Variants in ZNF683 observed in about 807,000 individuals in gnomAD.
ZNF683 encodes the protein tissue-resident T-cell transcription regulator protein ZNF683.
Under a neutral mutation model 31.4 loss-of-function variants are expected in ZNF683, and 20 were observed. The ratio of observed to expected loss-of-function variants is 0.64; its 90% confidence interval spans 0.45 to 0.93. ZNF683 has a LOEUF of 0.93. Among genes scored for constraint, ZNF683 ranks in the 40% least tolerant of loss-of-function variants. ZNF683 has a pLI of 0.00. For missense variants in ZNF683, 621 were observed against 637.2 expected, an observed-to-expected ratio of 0.97 and a Z score of 0.27; for synonymous variants, 264 against 267.6, an observed-to-expected ratio of 0.99 and a Z score of 0.13.
intron 5 of ZNF683, chr1:26,362,259 C>A: frequency 1.5e-6 from 2 of 1,335,308 alleles, no homozygotes; most frequent in Admixed American, 3.9e-5. Flanking sequence ...CCTCTCTGAG[C>A]CTTCCTCTCC....
Position 26,361,945 on chromosome 1 carries a change from C to T in ZNF683, c.1221G>A (p.Gln407=), listed in dbSNP as rs1274666694. 2 of 1,613,856 alleles carry T rather than the reference C, an allele frequency of 1.2e-6. No individual in the cohort carries two copies. The highest frequency in any genetic ancestry group is 2.7e-5 in the African/African-American group (2 of 74,924). ...TGAAGCGACTCCGGCAGACACTGCACTGGAAGGGCCGGGCCCCGGAGTGCA... is the reference window on the plus strand; with the variant it reads ...TGAAGCGACTCCGGCAGACACTGCATTGGAAGGGCCGGGCCCCGGAGTGCA... ...LRLHSGARPF[Q]CSVCRSRFTQ... Residue 407 remains glutamine, a synonymous_variant, in exon 6 of 6, where the codon CAG becomes CAA. Transcript: ENST00000349618.
intron 1 of ZNF683, chr1:26,370,662 G>A (rs2074649489): frequency 2.0e-6 from 2 of 985,644 alleles, no homozygotes; most frequent in Non-Finnish European, 2.4e-6. Flanking sequence ...GCTGGCTGTG[G>A]GGCTCTCCAC....
Position 26,364,574 on chromosome 1 carries a change from G to C in ZNF683, c.972C>G (p.Cys324Trp), listed in dbSNP as rs1047371622. ...KKKNGKILYECNICGKSFGQL... is the reference protein window; with the variant it reads ...KKKNGKILYEWNICGKSFGQL... ...GCCCAAAGCTCTTGCCACATATGTT[G>C]CACTCGTACAGGATTTTGCCATTCT... Residue 324 changes from cysteine to tryptophan, a missense_variant, in exon 4 of 6, where the codon TGC becomes TGG. Cys to Trp is a radical substitution (Grantham distance 215). Coordinates refer to ENST00000349618, the MANE Select transcript of ZNF683 (RefSeq NM_001114759.3). The C allele has an allele frequency of 5.0e-6, 8 of 1,613,880 alleles. No homozygotes were observed. The highest frequency in any genetic ancestry group is 1.3e-5 in the African/African-American group (1 of 74,922).
chr1:26,373,918 A>C (rs1032890193), upstream of ZNF683, among the ~76,000 whole-genome samples: 1 of 152,156 alleles, frequency 6.6e-6, no homozygotes, highest in Non-Finnish European at 1.5e-5. Flanking sequence ...TATTATTAGC[A>C]GCTCATCCAG....
rs1159097814 is a variant in ZNF683, at chr1:26,361,959, C to T, written c.1207G>A (p.Ala403Thr). 3 of 1,613,808 alleles carry T rather than the reference C, an allele frequency of 1.9e-6. No homozygotes were observed. The highest frequency in any genetic ancestry group is 2.5e-6 in the Non-Finnish European group (3 of 1,179,872). The change falls in exon 6 of 6, where the codon GCC becomes ACC. Residue 403 changes from alanine (A) to threonine (T), a missense_variant. Physicochemically the swap from Ala to Thr is moderately conservative, Grantham distance 58. Coordinates refer to ENST00000349618, the MANE Select transcript of ZNF683 (RefSeq NM_001114759.3). ...LKTHLRLHSG[A>T]RPFQCSVCRS... The stretch of plus-strand genomic sequence containing the variant: ...CAGACACTGCACTGGAAGGGCCGGG[C>T]CCCGGAGTGCAGGCGCAGGTGGGTC...
upstream of ZNF683, chr1:26,374,447 C>A: frequency 1.7e-6 from 2 of 1,165,370 alleles, no homozygotes; most frequent in Non-Finnish European, 2.2e-6. Flanking sequence ...GGAAATGCCC[C>A]AGGAGGTGGG....
intron 4 of ZNF683, 150 bp from the exon 5 acceptor site, chr1:26,363,304 C>T: frequency 1.8e-6 from 2 of 1,089,444 alleles, no homozygotes; most frequent in Non-Finnish European, 1.3e-6. Flanking sequence ...TTTCTGCTGC[C>T]CTGTAGGGGA....
intron 3 of ZNF683, among the ~76,000 whole-genome samples, chr1:26,365,433 A>G (rs184903163): frequency 3.1e-4 from 47 of 152,334 alleles, no homozygotes; most frequent in Admixed American, 6.5e-4. Flanking sequence ...GCAGATGGAT[A>G]AACTGGGTTG....
chr1:26,366,304 A>G (rs2074520310), intron 3 of ZNF683, among the ~76,000 whole-genome samples: 2 of 146,032 alleles, frequency 1.4e-5, no homozygotes, highest in Admixed American at 1.4e-4. Context: ...TGGAGGCTGC[A>G]GTGAGCCATG....
At position 26,363,636 on chromosome 1, in the gene ZNF683, T is replaced by C. The variant is rs182784886; in HGVS notation, c.1015-482A>G. Reference sequence around the variant, plus strand: ...TTTGAAAGTTAACGAGGAGTGGTGGTGTTTACCCTTCGTCCCAGCTACCGG... The same window carrying C: ...TTTGAAAGTTAACGAGGAGTGGTGGCGTTTACCCTTCGTCCCAGCTACCGG... On this transcript the variant is annotated intron_variant, in intron 4 of 5. Transcript: ENST00000349618. Among the ~76,000 whole-genome samples the C allele has an allele frequency of 8.8e-3, 1,327 of 150,846 alleles. 20 individuals carry two copies. The highest frequency in any genetic ancestry group is 0.031 in the African/African-American group (1,268 of 40,956).
At chr1:26,365,333 C>T in intron 3 of ZNF683, 107 bp from the exon 4 acceptor site, 1 of 1,179,738 alleles carries the variant, frequency 8.5e-7, no homozygotes, top group Non-Finnish European at 1.2e-6. Flanking sequence ...AGCCTGCGAG[C>T]CTGCTAGCAT....
rs1371542133 is a variant in ZNF683, at chr1:26,367,765, C to T, written c.147G>A (p.Met49Ile). ...VFSACRPLPD[M>I]VDAHGPSCAS... ...CACAGGATGGGCCATGAGCATCCACCATGTCTGGAAGTGGTCTGCAGGCTG... is the reference window on the plus strand; with the variant it reads ...CACAGGATGGGCCATGAGCATCCACTATGTCTGGAAGTGGTCTGCAGGCTG... Residue 49 changes from methionine to isoleucine, a missense_variant, in exon 3 of 6, where the codon ATG becomes ATA. Physicochemically the swap from Met to Ile is conservative, Grantham distance 10 (BLOSUM62 1). Transcript: ENST00000349618. The T allele has an allele frequency of 1.2e-6, 2 of 1,605,232 alleles. No individual in the cohort carries two copies. The highest frequency in any genetic ancestry group is 1.7e-6 in the Non-Finnish European group (2 of 1,174,938).
chr1:26,368,284 G>A (rs1476713310), intron 2 of ZNF683, among the ~76,000 whole-genome samples, 174 bp downstream of exon 2: 1 of 152,234 alleles, frequency 6.6e-6, no homozygotes, highest in Non-Finnish European at 1.5e-5. Context: ...CCTGAGGCAT[G>A]GGGAGAGGGT....
chr1:26,367,805 G>C lies in ZNF683; in HGVS notation c.115-8C>G. The C allele has an allele frequency of 6.4e-7, 1 of 1,566,776 alleles. No homozygotes were observed. The highest frequency in any genetic ancestry group is 1.3e-5 in the African/African-American group (1 of 74,128). Reference sequence around the variant, plus strand: ...TCTGCAGGCTGAGAAGACCTGGAGGGCAGGGGCAAGGGGCTTGGGGGCTGG... The same window carrying C: ...TCTGCAGGCTGAGAAGACCTGGAGGCCAGGGGCAAGGGGCTTGGGGGCTGG... On this transcript the variant is annotated splice_region_variant and splice_polypyrimidine_tract_variant and intron_variant, in intron 2 of 5. Coordinates refer to ENST00000349618, the MANE Select transcript of ZNF683 (RefSeq NM_001114759.3).
At chr1:26,366,200 A>C (rs925694272) in intron 3 of ZNF683, among the ~76,000 whole-genome samples, 62 of 152,178 alleles carry the variant, frequency 4.1e-4, no homozygotes, top group African/African-American at 1.3e-3. Flanking sequence ...AAAGAAAGAA[A>C]GAAAGAAAAT....
At position 26,365,235 on chromosome 1, in the gene ZNF683, GA is replaced by G; in HGVS notation, c.320-10del. The G allele has an allele frequency of 1.3e-6, 2 of 1,579,502 alleles. No homozygotes were observed. The highest frequency in any genetic ancestry group is 8.6e-7 in the Non-Finnish European group (1 of 1,164,088). ...CCCTGGTGGCTCGTGCTCTAAGCAGGAAAAGGAAGGCGGTCAGATCCCCACA... is the reference window on the plus strand; with the variant it reads ...CCCTGGTGGCTCGTGCTCTAAGCAGGAAAGGAAGGCGGTCAGATCCCCACA... On this transcript the variant is annotated splice_polypyrimidine_tract_variant and intron_variant, in intron 3 of 5. Coordinates refer to ENST00000349618, the MANE Select transcript of ZNF683 (RefSeq NM_001114759.3).
chr1:26,368,243 G>T (rs563984691), intron 2 of ZNF683, among the ~76,000 whole-genome samples: 2 of 152,238 alleles, frequency 1.3e-5, no homozygotes, highest in African/African-American at 4.8e-5. Context: ...CGAGGCTTCC[G>T]CTTCTTATTC....
Position 26,365,283 on chromosome 1 carries a change from G to A in ZNF683, c.320-57C>T, listed in dbSNP as rs572851961. On this transcript the variant is annotated intron_variant, in intron 3 of 5. Coordinates refer to ENST00000349618, the MANE Select transcript of ZNF683 (RefSeq NM_001114759.3). ...CACAGTCTGGGGTGAAGTTCTGTCC[G>A]CCATCAAACCTGCCCTGCTCGGGGC... 1.9e-5 allele frequency: 28 copies of A among 1,503,156 alleles called. No individual in the cohort carries two copies. In the South Asian group the frequency reaches 2.4e-4, roughly 13 times the overall value. 93.1% of individuals were successfully genotyped at this position (1,503,156 alleles called of 1,614,324 possible).
At chr1:26,362,663 G>A (rs180882418) in intron 5 of ZNF683, among the ~76,000 whole-genome samples, 48 of 152,272 alleles carry the variant, frequency 3.2e-4, no homozygotes, top group Non-Finnish European at 1.5e-4. Context: ...CTGATTTCCC[G>A]AGGGATGTGG....
Sources: gnomAD v4.1 joint callset for allele counts (sites outside exome capture counted in the v4.1 genomes callset) on GRCh38, gnomAD v4.1.1 for gene constraint, MANE v1.5 for transcripts, NCBI Gene and HGNC (gene_info 2026-07-23, HGNC 2026-07-21) for gene names.